The following RAD51B variants were observed in gnomAD, a reference collection of about 807,000 sequenced individuals.
RAD51B encodes the protein DNA repair protein RAD51 homolog 2.
Under a neutral mutation model 42.2 loss-of-function variants are expected in RAD51B, and 38 were observed. That is an observed-to-expected ratio of 0.90 (90% CI 0.70 to 1.18). The LOEUF (loss-of-function observed/expected upper bound fraction) is 1.18. Ranked by LOEUF, RAD51B falls within the 50% of genes most tolerant of loss-of-function variation. The pLI is 0.00. For missense variants in RAD51B, 373 were observed against 400.7 expected (o/e 0.93, Z 0.59); for synonymous variants, 154 against 145.2 (o/e 1.06, Z -0.43).
At chr14:68,122,646 A>T (rs979491030) in intron 7 of RAD51B, among the ~76,000 whole-genome samples, 1 of 152,200 alleles carries the variant, frequency 6.6e-6, no homozygotes, top group African/African-American at 2.4e-5. Context: ...AAAAAAACTT[A>T]AATGCATGTA....
At chr14:68,338,713 C>G in intron 8 of RAD51B, 1 of 312,688 alleles carries the variant, frequency 3.2e-6, no homozygotes, top group Non-Finnish European at 6.2e-6. Context: ...GGACAGAAAA[C>G]TCAACAGTGT....
chr14:67,956,473 G>A (rs994311237), intron 7 of RAD51B, among the ~76,000 whole-genome samples: 3 of 152,048 alleles, frequency 2.0e-5, no homozygotes, highest in Non-Finnish European at 2.9e-5. Flanking sequence ...GCGACAGAGC[G>A]ACTCCGTCTA....
chr14:68,413,584 C>G (rs921417368), intron 9 of RAD51B, among the ~76,000 whole-genome samples: 2 of 152,054 alleles, frequency 1.3e-5, no homozygotes, highest in African/African-American at 4.8e-5. Flanking sequence ...CTTTGGGGAC[C>G]AGTTGTTAAA....
At chr14:68,132,080 T>G (rs2077904032) in intron 7 of RAD51B, among the ~76,000 whole-genome samples, 2 of 152,212 alleles carry the variant, frequency 1.3e-5, no homozygotes, top group Non-Finnish European at 2.9e-5. Context: ...GCAGTCACAT[T>G]CTTCTGGGCT....
At chr14:68,189,440 T>C (rs2079220143) in intron 7 of RAD51B, among the ~76,000 whole-genome samples, 1 of 152,134 alleles carries the variant, frequency 6.6e-6, no homozygotes, top group Admixed American at 6.5e-5. Context: ...ATCTCAAAAG[T>C]TGAGAGATTC....
chr14:68,208,929 A>G (rs569142284), intron 7 of RAD51B, among the ~76,000 whole-genome samples: 1 of 152,366 alleles, frequency 6.6e-6, no homozygotes, highest in South Asian at 2.1e-4. Context: ...TCTATGGGCA[A>G]TCTGAAAGTG....
chr14:67,841,351 A>G (rs567365396), intron 4 of RAD51B, among the ~76,000 whole-genome samples: 1 of 152,204 alleles, frequency 6.6e-6, no homozygotes, highest in Non-Finnish European at 1.5e-5. Flanking sequence ...TAGTTTGTGA[A>G]TATTTTCTCC....
chr14:68,344,083 G>A lies in RAD51B; in HGVS notation c.853+52103G>A, dbSNP rs1029801396. On this transcript the variant is annotated intron_variant, in intron 8 of 10. Transcript: ENST00000471583. ...TACTAGAGCAGTGTGGAGAGGAAAT[G>A]TGGAGTTGAAGCCCCCCACATAGAG... Among the ~76,000 whole-genome samples, 6 of 152,376 alleles carry A rather than the reference G, an allele frequency of 3.9e-5. No homozygotes were observed. The South Asian group carries it at 1.0e-3, about 26-fold the overall frequency.
chr14:67,894,379 T>TAC (rs2043336480), intron 7 of RAD51B, among the ~76,000 whole-genome samples: 1 of 152,190 alleles, frequency 6.6e-6, no homozygotes, highest in South Asian at 2.1e-4. Flanking sequence ...TGAACCCTCC[T>TAC]TTATCTGGTT....
chr14:68,637,726 G>A (rs921459726), intron 10 of RAD51B, among the ~76,000 whole-genome samples: 6 of 152,218 alleles, frequency 3.9e-5, no homozygotes, highest in Non-Finnish European at 8.8e-5. Flanking sequence ...TCATCAGTGG[G>A]GATGGAAAAG....
intron 10 of RAD51B, among the ~76,000 whole-genome samples, chr14:68,642,901 T>TG (rs1368999259): frequency 1.3e-5 from 2 of 152,242 alleles, no homozygotes; most frequent in Admixed American, 1.3e-4. Flanking sequence ...TCCAAGTATT[T>TG]GGGGATTTTC....
At chr14:68,477,288 C>A (rs1390555432) in intron 10 of RAD51B, among the ~76,000 whole-genome samples, 1 of 152,196 alleles carries the variant, frequency 6.6e-6, no homozygotes, top group Non-Finnish European at 1.5e-5. Context: ...TGGTCCCCTG[C>A]CTTTGTGAGG....
intron 7 of RAD51B, among the ~76,000 whole-genome samples, chr14:67,903,117 C>G (rs1478733863): frequency 6.6e-6 from 1 of 152,106 alleles, no homozygotes; most frequent in Non-Finnish European, 1.5e-5. Context: ...CTCTGCCTCC[C>G]AAAGTGCTGG....
chr14:68,044,879 A>C (rs1009432458), intron 7 of RAD51B, among the ~76,000 whole-genome samples: 1 of 152,126 alleles, frequency 6.6e-6, no homozygotes, highest in South Asian at 2.1e-4. Flanking sequence ...TGCAGAAAGC[A>C]GGATTTTTGT....
intron 10 of RAD51B, among the ~76,000 whole-genome samples, chr14:68,500,368 G>T (rs529741779): frequency 1.6e-4 from 24 of 152,356 alleles, no homozygotes; most frequent in Non-Finnish European, 3.5e-4. Flanking sequence ...TCTGCTCAAG[G>T]TCATTTGGCA....
chr14:68,016,787 C>T (rs2075784331), intron 7 of RAD51B, among the ~76,000 whole-genome samples: 1 of 152,018 alleles, frequency 6.6e-6, no homozygotes, highest in Non-Finnish European at 1.5e-5. Context: ...GTAGTAACAG[C>T]AAAAAGTTGG....
chr14:68,210,468 T>C (rs540182798), intron 7 of RAD51B, among the ~76,000 whole-genome samples: 1 of 152,160 alleles, frequency 6.6e-6, no homozygotes, highest in South Asian at 2.1e-4. Context: ...TTAAAGATAT[T>C]AGGGATGGTA....
intron 7 of RAD51B, among the ~76,000 whole-genome samples, chr14:67,907,527 T>A (rs1219254157): frequency 6.6e-6 from 1 of 152,096 alleles, no homozygotes; most frequent in Admixed American, 6.6e-5. Flanking sequence ...GCTGGAGTCA[T>A]ATGAAAGCTT....
intron 10 of RAD51B, among the ~76,000 whole-genome samples, chr14:68,580,121 G>A (rs1366882119): frequency 1.3e-5 from 2 of 152,208 alleles, no homozygotes; most frequent in Non-Finnish European, 2.9e-5. Flanking sequence ...TGAGACCCCC[G>A]CTGGCTACCA....
Sources: gnomAD v4.1 joint callset for allele counts (sites outside exome capture counted in the v4.1 genomes callset) on GRCh38, gnomAD v4.1.1 for gene constraint, MANE v1.5 for transcripts, NCBI Gene and HGNC (gene_info 2026-07-23, HGNC 2026-07-21) for gene names.